The following NPFFR2 variants were observed in gnomAD, a reference collection of about 807,000 sequenced individuals.
The protein encoded by NPFFR2 is G-protein coupled receptor 74.
In NPFFR2, 15 loss-of-function variants were observed where a neutral mutation model predicts 13.1. The ratio of observed to expected loss-of-function variants is 1.15; its 90% CI spans 0.77 to 1.76. The LOEUF is 1.76. NPFFR2 is among the 40% of genes most tolerant of loss of function. The pLI is 0.00. For missense variants in NPFFR2, 572 were observed against 503.5 expected (o/e 1.14, Z -1.30); for synonymous variants, 190 against 175.7 (o/e 1.08, Z -0.65).
chr4:72,126,132 G>T (rs1348609385), intron 1 of NPFFR2, among the ~76,000 whole-genome samples: 2 of 152,128 alleles, frequency 1.3e-5, no homozygotes, highest in Non-Finnish European at 2.9e-5. Flanking sequence ...TTACATCAAG[G>T]AGCATATGAT....
intron 3 of NPFFR2, among the ~76,000 whole-genome samples, chr4:72,140,069 G>T (rs1411814729): frequency 6.6e-6 from 1 of 152,004 alleles, no homozygotes; most frequent in Non-Finnish European, 1.5e-5. Context: ...GTCTGTTATT[G>T]GTGTATAGGA....
intron 1 of NPFFR2, among the ~76,000 whole-genome samples, chr4:72,118,753 A>G (rs775410521): frequency 6.6e-6 from 1 of 152,184 alleles, no homozygotes; most frequent in Non-Finnish European, 1.5e-5. Flanking sequence ...TGGTTCAACC[A>G]TGCTTTTAGG....
chr4:72,085,740 C>T (rs979838233), intron 1 of NPFFR2, among the ~76,000 whole-genome samples: 5 of 152,098 alleles, frequency 3.3e-5, no homozygotes, highest in African/African-American at 1.2e-4. Flanking sequence ...CCTCTGAACC[C>T]TCCTACACTG....
intron 1 of NPFFR2, among the ~76,000 whole-genome samples, chr4:72,075,697 T>C (rs368354607): frequency 2.4e-4 from 36 of 152,210 alleles, no homozygotes; most frequent in African/African-American, 8.4e-4. Context: ...TGATTCCACT[T>C]ATATGAGGTA....
At chr4:72,043,667 G>A (rs1719298725) in intron 1 of NPFFR2, among the ~76,000 whole-genome samples, 1 of 152,226 alleles carries the variant, frequency 6.6e-6, no homozygotes, top group Non-Finnish European at 1.5e-5. Flanking sequence ...TTTATCCCAT[G>A]TGAAATGGTG....
rs145315382 is a variant in NPFFR2 at position 72,056,941 on chromosome 4, T to G, written c.-8+24741T>G. On this transcript the variant is annotated intron_variant, in intron 1 of 3. Coordinates refer to ENST00000308744, the MANE Select transcript of NPFFR2 (RefSeq NM_004885.3). Reference sequence around the variant, plus strand: ...TAAGCAAAGAGAGTGGTTTTTTGTCTGTTTTTTAGAGGGAATCTACTACAG... The same window carrying G: ...TAAGCAAAGAGAGTGGTTTTTTGTCGGTTTTTTAGAGGGAATCTACTACAG... 9.8e-3 allele frequency among the ~76,000 whole-genome samples: 1,497 copies of G among 152,034 alleles called. 23 individuals are homozygous for G. Among genetic ancestry groups the G allele is most frequent in the African/African-American group, 0.034 (1,399 of 41,514 alleles).
At chr4:72,109,725 T>G (rs1721510691) in intron 1 of NPFFR2, among the ~76,000 whole-genome samples, 1 of 152,020 alleles carries the variant, frequency 6.6e-6, no homozygotes. Flanking sequence ...GTTGTTGTTT[T>G]TTAATGAATG....
intron 1 of NPFFR2, among the ~76,000 whole-genome samples, chr4:72,067,384 T>C (rs1720105981): frequency 6.6e-6 from 1 of 152,180 alleles, no homozygotes; most frequent in African/African-American, 2.4e-5. Flanking sequence ...TCTCAAGGCC[T>C]AGCACTCTGG....
rs775174985 is a variant in NPFFR2, at chr4:72,032,135, A to C, written c.-73A>C. 6.2e-7 allele frequency: 1 copy of C among 1,614,054 alleles called. No individual in the cohort carries two copies. Among genetic ancestry groups the C allele is most frequent in the Non-Finnish European group, 8.5e-7 (1 of 1,179,968 alleles). ...GTAGCTGGAGCCGGAGCAGGGACAG[A>C]ACCTGTTGCTGCAGACGGGCTTGGT... On this transcript the variant is annotated 5_prime_UTR_variant, in exon 1 of 4. Transcript: ENST00000308744.
At chr4:72,135,238 C>A (rs1299612084) in intron 2 of NPFFR2, among the ~76,000 whole-genome samples, 3 of 152,012 alleles carry the variant, frequency 2.0e-5, no homozygotes, top group African/African-American at 7.2e-5. Flanking sequence ...TGAAACTATG[C>A]TTTGAAGTAA....
chr4:72,036,559 T>C (rs903313677), intron 1 of NPFFR2, among the ~76,000 whole-genome samples: 1 of 148,062 alleles, frequency 6.8e-6, no homozygotes, highest in Non-Finnish European at 1.5e-5. Context: ...ATATATAATG[T>C]ATATATACAT....
chr4:72,139,764 CT>C (rs149713472), intron 3 of NPFFR2, among the ~76,000 whole-genome samples: 3,878 of 152,114 alleles, frequency 0.025, 182 homozygotes, highest in African/African-American at 0.087. Context: ...TCCATATGAA[CT>C]TTAAAGTAGA....
intron 1 of NPFFR2, among the ~76,000 whole-genome samples, chr4:72,037,624 TCTC>T (rs1486096258): frequency 6.6e-6 from 1 of 152,264 alleles, no homozygotes; most frequent in African/African-American, 2.4e-5. Flanking sequence ...TTACTCATGA[TCTC>T]CTCTTCTGTC....
intron 1 of NPFFR2, among the ~76,000 whole-genome samples, chr4:72,094,900 A>C (rs1721018146): frequency 6.6e-6 from 1 of 152,180 alleles, no homozygotes; most frequent in Admixed American, 6.5e-5. Context: ...GTCTCCACAC[A>C]CTGTCCTGCC....
intron 1 of NPFFR2, among the ~76,000 whole-genome samples, chr4:72,063,828 C>A (rs1037093456): frequency 1.3e-5 from 2 of 152,148 alleles, no homozygotes; most frequent in African/African-American, 4.8e-5. Flanking sequence ...GAGAACAGAG[C>A]TGGCCAAAGA....
chr4:72,145,611 C>G (rs539254441), intron 3 of NPFFR2, among the ~76,000 whole-genome samples: 2 of 151,892 alleles, frequency 1.3e-5, no homozygotes, highest in Admixed American at 1.3e-4. Context: ...ACTGGAAGAA[C>G]GCTTGAAGTT....
intron 1 of NPFFR2, among the ~76,000 whole-genome samples, chr4:72,127,356 TTTTC>T (rs1560419400): frequency 3.2e-5 from 4 of 126,978 alleles, no homozygotes; most frequent in African/African-American, 1.1e-4. Flanking sequence ...AAATAATTTC[TTTTC>T]TTTTTTTTTT....
At chr4:72,067,243 A>G (rs1578433271) in intron 1 of NPFFR2, among the ~76,000 whole-genome samples, 1 of 152,120 alleles carries the variant, frequency 6.6e-6, no homozygotes, top group African/African-American at 2.4e-5. Flanking sequence ...TACCTGGCCC[A>G]CTTTAGCCAC....
intron 1 of NPFFR2, among the ~76,000 whole-genome samples, chr4:72,126,664 T>G (rs1404570184): frequency 6.6e-6 from 1 of 152,190 alleles, no homozygotes; most frequent in Non-Finnish European, 1.5e-5. Context: ...GAGTCTGGAA[T>G]TTTGATATAT....
Sources: gnomAD v4.1 joint callset for allele counts (sites outside exome capture counted in the v4.1 genomes callset) on GRCh38, gnomAD v4.1.1 for gene constraint, MANE v1.5 for transcripts, NCBI Gene and HGNC (gene_info 2026-07-23, HGNC 2026-07-21) for gene names.